The following PARD3B variants were observed in gnomAD, a reference collection of about 807,000 sequenced individuals.
The protein encoded by PARD3B is par-3 family cell polarity regulator beta, also known as partitioning defective 3 homolog B.
Under a neutral mutation model 130.2 loss-of-function variants are expected in PARD3B, and 103 were observed. That is an observed-to-expected ratio of 0.79 (90% CI 0.67 to 0.93). The LOEUF is 0.93. PARD3B is among the 40% of genes least tolerant of loss of function. The pLI is 0.00. For synonymous variants in PARD3B, 583 were observed against 553.2 expected (o/e 1.05, Z -0.76); for missense variants, 1,609 against 1,499.2 (o/e 1.07, Z -1.21).
At chr2:205,038,595 G>A (rs143663669) in intron 3 of PARD3B, among the ~76,000 whole-genome samples, 39 of 152,244 alleles carry the variant, frequency 2.6e-4, no homozygotes, top group African/African-American at 9.1e-4. Flanking sequence ...ACAAGTATAA[G>A]TCCCAATAAA....
intron 4 of PARD3B, among the ~76,000 whole-genome samples, chr2:205,100,261 T>A (rs868653697): frequency 6.6e-6 from 1 of 152,170 alleles, no homozygotes; most frequent in Admixed American, 6.6e-5. Flanking sequence ...TAAAACTTTA[T>A]AGCAAATATC....
At chr2:204,848,018 C>T (rs985580326) in intron 2 of PARD3B, among the ~76,000 whole-genome samples, 3 of 152,110 alleles carry the variant, frequency 2.0e-5, no homozygotes, top group Non-Finnish European at 4.4e-5. Context: ...CATTTCACAT[C>T]CTCACAAAAA....
intron 18 of PARD3B, among the ~76,000 whole-genome samples, chr2:205,340,507 C>A (rs1026681603): frequency 6.6e-6 from 1 of 151,986 alleles, no homozygotes; most frequent in Non-Finnish European, 1.5e-5. Context: ...GAAGGGACAC[C>A]CTCTTTAATA....
chr2:205,577,538 A>T (rs1185162711), intron 22 of PARD3B, among the ~76,000 whole-genome samples: 1 of 152,234 alleles, frequency 6.6e-6, no homozygotes, highest in Non-Finnish European at 1.5e-5. Flanking sequence ...GCAAATGTAC[A>T]TGGATTTTAT....
chr2:204,923,151 C>G (rs1559263008), intron 2 of PARD3B, among the ~76,000 whole-genome samples: 1 of 152,002 alleles, frequency 6.6e-6, no homozygotes, highest in Non-Finnish European at 1.5e-5. Flanking sequence ...TTAATTATAT[C>G]AAGTGCTGAG....
intron 22 of PARD3B, among the ~76,000 whole-genome samples, chr2:205,559,856 C>T (rs1280073750): frequency 6.6e-6 from 1 of 152,146 alleles, no homozygotes; most frequent in East Asian, 1.9e-4. Flanking sequence ...GTCTTGGCCT[C>T]CCAAAGTGCT....
At chr2:204,643,113 C>CAAA (rs1252171157) in intron 1 of PARD3B, among the ~76,000 whole-genome samples, 1 of 4,312 alleles carries the variant, frequency 2.3e-4, no homozygotes, top group African/African-American at 4.1e-4. Context: ...GACTCTGTCT[C>CAAA]ACAAAAAAAA....
chr2:204,560,962 A>C (rs1387529617), intron 1 of PARD3B, among the ~76,000 whole-genome samples: 4 of 152,082 alleles, frequency 2.6e-5, no homozygotes, highest in South Asian at 2.1e-4. Flanking sequence ...AGAGAAGTGT[A>C]GGTGGAACTG....
In PARD3B at chr2:205,130,304, T is replaced by C. The variant is rs139827124; in HGVS notation, c.1434+4567T>C. 3.3e-3 allele frequency among the ~76,000 whole-genome samples: 506 copies of C among 152,336 alleles called. 9 individuals carry two copies. The East Asian group carries it at 0.038, about 11-fold the overall frequency. The stretch of plus-strand genomic sequence containing the variant: ...TACTTGAAATGAAAACTATGCTAGT[T>C]AATCAACTGGTGGTTTGCGTGGTCA... On this transcript the variant is annotated intron_variant, in intron 10 of 22. Coordinates refer to ENST00000406610, the MANE Select transcript of PARD3B (RefSeq NM_001302769.2).
At chr2:205,577,190 G>C (rs576859045) in intron 22 of PARD3B, among the ~76,000 whole-genome samples, 3 of 151,954 alleles carry the variant, frequency 2.0e-5, no homozygotes, top group Non-Finnish European at 4.4e-5. Context: ...AGGGTTTTTT[G>C]TGTGTGTGTC....
intron 2 of PARD3B, among the ~76,000 whole-genome samples, chr2:204,894,172 G>GT (rs1279152685): frequency 3.3e-5 from 5 of 151,984 alleles, no homozygotes; most frequent in Non-Finnish European, 5.9e-5. Context: ...GGCATTAAGG[G>GT]TTTTTTTGAT....
chr2:205,478,197 A>G (rs540163382), intron 20 of PARD3B, among the ~76,000 whole-genome samples: 1 of 152,320 alleles, frequency 6.6e-6, no homozygotes, highest in East Asian at 1.9e-4. Flanking sequence ...TAAAGCCTTG[A>G]AGTAAACTGA....
chr2:205,349,951 C>G (rs1164927185), intron 18 of PARD3B, among the ~76,000 whole-genome samples: 2 of 151,990 alleles, frequency 1.3e-5, no homozygotes, highest in African/African-American at 4.8e-5. Context: ...TAAACAGGCA[C>G]CAAAACGCAC....
intron 2 of PARD3B, among the ~76,000 whole-genome samples, chr2:204,788,866 A>G (rs1357238605): frequency 6.6e-6 from 1 of 152,222 alleles, no homozygotes; most frequent in Non-Finnish European, 1.5e-5. Flanking sequence ...TAGTATTTTT[A>G]TACAACATTA....
chr2:204,887,170 G>A lies in PARD3B; in HGVS notation c.223-77982G>A, dbSNP rs58798518. Among the ~76,000 whole-genome samples, 10,384 of 151,988 alleles carry A rather than the reference G, an allele frequency of 0.068. 784 individuals carry two copies. Among genetic ancestry groups the A allele is most frequent in the African/African-American group, 0.19 (7,663 of 41,418 alleles). ...TGTTCAATTGAGATGAATGGTAATG[G>A]GATTATATTACTGTAATTCATTTAT... On this transcript the variant is annotated intron_variant, in intron 2 of 22. Coordinates refer to ENST00000406610, the MANE Select transcript of PARD3B (RefSeq NM_001302769.2). The surrounding 1 kb of genome is among the most constrained non-coding windows in gnomAD (Gnocchi z 4.2).
At position 205,269,562 on chromosome 2, in the gene PARD3B, T is replaced by A. The variant is rs2040640857; in HGVS notation, c.2185+23740T>A. 6.6e-6 allele frequency among the ~76,000 whole-genome samples: 1 copy of A among 152,164 alleles called. No individual in the cohort carries two copies. Among genetic ancestry groups the A allele is most frequent in the Admixed American group, 6.6e-5 (1 of 15,264 alleles). Reference sequence around the variant, plus strand: ...AAAGTTCCTTCAGGGGCAATTGGGCTGCTGGGCTGCTGATTCTCAATAACC... The same window carrying A: ...AAAGTTCCTTCAGGGGCAATTGGGCAGCTGGGCTGCTGATTCTCAATAACC... On this transcript the variant is annotated intron_variant, in intron 16 of 22. Coordinates refer to ENST00000406610, the MANE Select transcript of PARD3B (RefSeq NM_001302769.2). The surrounding 1 kb of genome is among the most constrained non-coding windows in gnomAD (Gnocchi z 4.7).
Position 205,504,381 on chromosome 2 carries a change from A to T in PARD3B, c.3180+4350A>T, listed in dbSNP as rs571355300. Among the ~76,000 whole-genome samples, 51 of 151,700 alleles carry T rather than the reference A, an allele frequency of 3.4e-4. No homozygotes were observed. In the East Asian group the frequency reaches 9.9e-3, roughly 29 times the overall value. ...CCAAAAGCAATGGCAACAAAAGCCA[A>T]CATTGACAAATGGGATCTAATTAAA... On this transcript the variant is annotated intron_variant, in intron 21 of 22. Coordinates refer to ENST00000406610, the MANE Select transcript of PARD3B (RefSeq NM_001302769.2).
Position 205,616,971 on chromosome 2 carries a change from A to G in PARD3B, c.*1158A>G, listed in dbSNP as rs1169499358. On this transcript the variant is annotated 3_prime_UTR_variant, in exon 23 of 23. Transcript: ENST00000406610. The stretch of plus-strand genomic sequence containing the variant: ...TATGATTGCCAGTATGGAGAATGAA[A>G]GATTAATAATGCTTTCTGGAGAGTT... The G allele has an allele frequency of 6.5e-6, 1 of 154,390 alleles. No individual in the cohort carries two copies. The highest frequency in any genetic ancestry group is 6.5e-5 in the Admixed American group (1 of 15,276). 9.6% of individuals were successfully genotyped at this position (154,390 alleles called of 1,614,324 possible).
chr2:205,159,081 G>A (rs1295486712), intron 11 of PARD3B, among the ~76,000 whole-genome samples, 174 bp downstream of exon 11: 1 of 152,156 alleles, frequency 6.6e-6, no homozygotes, highest in East Asian at 1.9e-4. Flanking sequence ...TGCTGTTTTT[G>A]TACCTTAACT....
Sources: gnomAD v4.1 joint callset for allele counts (sites outside exome capture counted in the v4.1 genomes callset) on GRCh38, gnomAD v4.1.1 for gene constraint, Gnocchi (gnomAD v3.1) non-coding constraint, MANE v1.5 for transcripts, NCBI Gene and HGNC (gene_info 2026-07-23, HGNC 2026-07-21) for gene names.